NFATC2: variants seen among roughly 807,000 people sequenced by gnomAD.
NFATC2 encodes nuclear factor of activated T-cells, cytoplasmic 2.
In NFATC2, 22 loss-of-function variants were observed where a neutral mutation model predicts 87.3. The observed-to-expected ratio is 0.25, with a 90% CI of 0.18 to 0.36. The LOEUF is 0.36. Ranked by LOEUF, NFATC2 falls within the 10% of genes least tolerant of loss-of-function variation. The pLI, the probability that NFATC2 is intolerant of heterozygous loss-of-function variation, is 1.00. For synonymous variants in NFATC2, 565 were observed against 542.2 expected (o/e 1.04, Z -0.58); for missense variants, 1,149 against 1,259.1 (o/e 0.91, Z 1.32).
intron 1 of NFATC2, among the ~76,000 whole-genome samples, chr20:51,551,417 T>A (rs6021285): frequency 0.13 from 19,877 of 152,010 alleles, 4,035 homozygotes; most frequent in African/African-American, 0.44. Context: ...TTATTTATTT[T>A]TTTTGAGACA....
chr20:51,401,617 A>G (rs1357676638), intron 9 of NFATC2, among the ~76,000 whole-genome samples: 1 of 152,064 alleles, frequency 6.6e-6, no homozygotes, highest in African/African-American at 2.4e-5. Context: ...CCTAAGTGTC[A>G]TCTACAAATC....
chr20:51,530,858 C>T (rs1390174975), intron 1 of NFATC2, among the ~76,000 whole-genome samples: 1 of 152,170 alleles, frequency 6.6e-6, no homozygotes, highest in Non-Finnish European at 1.5e-5. Context: ...ACTCCCAGGT[C>T]CCACAGAGTC....
chr20:51,392,124 C>T (rs75974121), intron 10 of NFATC2, among the ~76,000 whole-genome samples: 1 of 152,156 alleles, frequency 6.6e-6, no homozygotes, highest in East Asian at 1.9e-4. Flanking sequence ...CTAGAAAATG[C>T]CTATTACATG....
chr20:51,490,978 C>A (rs1487494211), intron 3 of NFATC2, among the ~76,000 whole-genome samples: 1 of 152,082 alleles, frequency 6.6e-6, no homozygotes. Flanking sequence ...AGTAGATCAT[C>A]AAGGGATGAT....
intron 2 of NFATC2, among the ~76,000 whole-genome samples, chr20:51,521,725 A>G (rs971827461): frequency 1.3e-5 from 2 of 152,246 alleles, no homozygotes; most frequent in Non-Finnish European, 2.9e-5. Context: ...GAGTCTTCCA[A>G]TTCCTCATGT....
chr20:51,527,183 GAAC>G, intron 1 of NFATC2, among the ~76,000 whole-genome samples: 1 of 152,116 alleles, frequency 6.6e-6, no homozygotes, highest in Non-Finnish European at 1.5e-5. Flanking sequence ...TTACAGACGA[GAAC>G]AACCGTGTCT....
At chr20:51,508,688 AG>A (rs2076224854) in intron 3 of NFATC2, among the ~76,000 whole-genome samples, 1 of 152,102 alleles carries the variant, frequency 6.6e-6, no homozygotes, top group African/African-American at 2.4e-5. Context: ...GAGTCTCGGC[AG>A]GGATGAACAG....
At chr20:51,476,746 GA>G (rs1431735826) in intron 3 of NFATC2, among the ~76,000 whole-genome samples, 1 of 152,024 alleles carries the variant, frequency 6.6e-6, no homozygotes, top group Non-Finnish European at 1.5e-5. Context: ...CTATCCAACA[GA>G]AAAAAAGTGA....
Position 51,534,941 on chromosome 20 carries a change from CT to C in NFATC2, c.130+7428del, listed in dbSNP as rs541325767. Among the ~76,000 whole-genome samples, 159 of 152,306 alleles carry C rather than the reference CT, an allele frequency of 1.0e-3. 2 individuals carry two copies. The highest frequency in any genetic ancestry group is 2.3e-3 in the African/African-American group (97 of 41,568). ...CCCACATTGTGTGCAGTAGTCCTTT[CT>C]TTTTTATTGCTGTGTACTATTTCAC... is the stretch of plus-strand genomic sequence containing the variant. On this transcript the variant is annotated intron_variant, in intron 1 of 10. Transcript: ENST00000371564.
chr20:51,555,358 C>T (rs1467755721), intron 1 of NFATC2, among the ~76,000 whole-genome samples: 1 of 152,116 alleles, frequency 6.6e-6, no homozygotes, highest in Non-Finnish European at 1.5e-5. Flanking sequence ...CTTTGGGAGG[C>T]CGAGTCAGGT....
At position 51,540,260 on chromosome 20, in the gene NFATC2, G is replaced by A. The variant is rs182269778; in HGVS notation, c.130+2110C>T. 1.0e-3 allele frequency among the ~76,000 whole-genome samples: 153 copies of A among 152,170 alleles called. 1 individual carries two copies. The highest frequency in any genetic ancestry group is 3.3e-3 in the African/African-American group (136 of 41,522). ...CCTCCTGACCTCAGGTGATCCGCCC[G>A]CCTCAGCCTCCCAAAGTGTTGGGAT... is the stretch of plus-strand genomic sequence containing the variant. On this transcript the variant is annotated intron_variant, in intron 1 of 10. Transcript: ENST00000371564.
At chr20:51,411,461 C>G (rs1245476726) in intron 9 of NFATC2, among the ~76,000 whole-genome samples, 1 of 148,164 alleles carries the variant, frequency 6.7e-6, no homozygotes, top group African/African-American at 2.5e-5. Flanking sequence ...CACAGTATAA[C>G]TACACCTGGC....
chr20:51,470,083 G>A (rs933958824), intron 5 of NFATC2, among the ~76,000 whole-genome samples: 13 of 152,346 alleles, frequency 8.5e-5, no homozygotes, highest in African/African-American at 3.1e-4. Context: ...TCCGTGCCAA[G>A]TGGAGAAGGG....
intron 3 of NFATC2, among the ~76,000 whole-genome samples, chr20:51,478,470 G>T (rs372576371): frequency 1.9e-4 from 29 of 152,226 alleles, no homozygotes; most frequent in African/African-American, 7.0e-4. Context: ...AGGTAAACAG[G>T]CAGGGAACAC....
At chr20:51,468,148 C>G (rs1431245899) in intron 5 of NFATC2, among the ~76,000 whole-genome samples, 1 of 152,172 alleles carries the variant, frequency 6.6e-6, no homozygotes, top group Non-Finnish European at 1.5e-5. Flanking sequence ...AACAGCGCTG[C>G]CTCCGTGTGT....
At chr20:51,542,852 C>A (rs1302100365), upstream of NFATC2, 5 of 466,076 alleles carry the variant, frequency 1.1e-5, no homozygotes, top group Admixed American at 1.3e-4. Flanking sequence ...CTGGGCTGGC[C>A]GGTGCCGGGA....
chr20:51,523,262 G>T lies in NFATC2; in HGVS notation c.979C>A (p.Pro327Thr). ...GIPPKMWKTS[P>T]DPSPVSAAPS... is the part of the protein sequence containing the mutation. Reference sequence around the variant, plus strand: ...GCGGCAGACACCGGCGAGGGGTCAGGGCTGGTCTTCCACATCTTGGGGGGG... The same window carrying T: ...GCGGCAGACACCGGCGAGGGGTCAGTGCTGGTCTTCCACATCTTGGGGGGG... Residue 327 changes from proline to threonine, a missense_variant, in exon 2 of 11, where the codon CCT becomes ACT. Pro to Thr is a conservative substitution (Grantham distance 38, BLOSUM62 -1). This residue lies in a region of NFATC2 where 563 missense variants were observed against 585.2 expected (regional missense o/e 0.96). Coordinates refer to ENST00000371564, the MANE Select transcript of NFATC2 (RefSeq NM_012340.5). This position sits in a 1 kb window ranked among gnomAD's most constrained non-coding sequence, Gnocchi z 6.9. 6.2e-7 allele frequency: 1 copy of T among 1,613,850 alleles called. No individual in the cohort carries two copies. The highest frequency in any genetic ancestry group is 1.3e-5 in the African/African-American group (1 of 75,046).
chr20:51,428,259 G>A (rs145636420), intron 9 of NFATC2, among the ~76,000 whole-genome samples: 50 of 152,274 alleles, frequency 3.3e-4, no homozygotes, highest in African/African-American at 1.0e-3. Context: ...GACTAGTCAC[G>A]GAAGGGGGAT....
chr20:51,476,935 G>GT (rs1988767210), intron 3 of NFATC2, among the ~76,000 whole-genome samples: 1 of 152,116 alleles, frequency 6.6e-6, no homozygotes, highest in African/African-American at 2.4e-5. Flanking sequence ...TTTTATGCAG[G>GT]TAAGAGCAAT....
Sources: allele counts gnomAD v4.1 joint callset (sites outside exome capture counted in the v4.1 genomes callset), GRCh38; gene constraint gnomAD v4.1.1; regional missense constraint gnomAD v4.1.1; non-coding constraint Gnocchi (gnomAD v3.1); transcripts MANE v1.5; gene names NCBI Gene and HGNC (gene_info 2026-07-23, HGNC 2026-07-21).